CNTN3: variants seen among roughly 807,000 people sequenced by gnomAD.
The protein encoded by CNTN3 is contactin 3.
In CNTN3, 60 loss-of-function variants were observed where a neutral mutation model predicts 119.1. The ratio of observed to expected loss-of-function variants is 0.50; its 90% CI spans 0.41 to 0.62. The LOEUF is 0.62. CNTN3 is among the 20% of genes least tolerant of loss of function. CNTN3 has a pLI of 0.00. For missense variants in CNTN3, 1,101 were observed against 1,242.4 expected (o/e 0.89, Z 1.71); for synonymous variants, 450 against 438.7 (o/e 1.03, Z -0.32).
chr3:74,467,253 A>C (rs1263064249), intron 4 of CNTN3, among the ~76,000 whole-genome samples: 2 of 152,158 alleles, frequency 1.3e-5, no homozygotes, highest in African/African-American at 2.4e-5. Flanking sequence ...ATGACTAAAA[A>C]ATAAGAGTTA....
intron 5 of CNTN3, among the ~76,000 whole-genome samples, chr3:74,372,579 C>A (rs1276484860): frequency 6.6e-6 from 1 of 150,886 alleles, no homozygotes; most frequent in Non-Finnish European, 1.5e-5. Context: ...TAGTGCTTTC[C>A]CAATAGAGTT....
intron 1 of CNTN3, among the ~76,000 whole-genome samples, chr3:74,592,963 G>A (rs899162379): frequency 2.0e-5 from 3 of 151,812 alleles, no homozygotes; most frequent in Non-Finnish European, 2.9e-5. Flanking sequence ...GTATATTCCA[G>A]GCACAACTAT....
At chr3:74,502,905 G>A (rs1160248043) in intron 2 of CNTN3, among the ~76,000 whole-genome samples, 2 of 151,876 alleles carry the variant, frequency 1.3e-5, no homozygotes, top group African/African-American at 2.4e-5. Flanking sequence ...TATTTGTATC[G>A]AATTCATTGC....
intron 17 of CNTN3, among the ~76,000 whole-genome samples, chr3:74,298,949 G>GT (rs1702399157): frequency 6.6e-6 from 1 of 151,402 alleles, no homozygotes; most frequent in Non-Finnish European, 1.5e-5. Context: ...TTACATCCCT[G>GT]TAACTCTAGC....
chr3:74,536,938 AG>A lies in CNTN3; in HGVS notation c.-80-15747del, dbSNP rs543710155. Among the ~76,000 whole-genome samples, 574 of 152,064 alleles carry A rather than the reference AG, an allele frequency of 3.8e-3. 6 individuals carry two copies. The highest frequency in any genetic ancestry group is 0.013 in the African/African-American group (558 of 41,486). On this transcript the variant is annotated intron_variant, in intron 1 of 22. Transcript: ENST00000263665. ...CCAGGTGCCTACCCACTCACTAAAGAGGGACGGCTACTTCTCCGTTTTAGAC... is the reference window on the plus strand; with the variant it reads ...CCAGGTGCCTACCCACTCACTAAAGAGGACGGCTACTTCTCCGTTTTAGAC...
At chr3:74,280,004 A>T (rs955146122) in intron 20 of CNTN3, among the ~76,000 whole-genome samples, 4 of 152,074 alleles carry the variant, frequency 2.6e-5, no homozygotes, top group African/African-American at 9.7e-5. Context: ...TATATAACTT[A>T]AAGAGTTTAA....
rs1453219600 is a variant in CNTN3, at chr3:74,583,969, A to C, written c.-81+30422T>G. On this transcript the variant is annotated intron_variant, in intron 1 of 22. Coordinates refer to ENST00000263665, the MANE Select transcript of CNTN3 (RefSeq NM_020872.3). ...TGAAATCTGCATGACTTTTGAACCA[A>C]GGAACTAATTCTCTCTGAGTCTCAG... Among the ~76,000 whole-genome samples, 3 of 152,166 alleles carry C rather than the reference A, an allele frequency of 2.0e-5. No homozygotes were observed. The East Asian group carries it at 5.8e-4, about 29-fold the overall frequency.
intron 16 of CNTN3, among the ~76,000 whole-genome samples, chr3:74,300,643 G>A (rs1299564866): frequency 6.6e-6 from 1 of 152,150 alleles, no homozygotes; most frequent in Non-Finnish European, 1.5e-5. Context: ...GCATTGTTCT[G>A]AGTGAAACAG....
intron 13 of CNTN3, among the ~76,000 whole-genome samples, chr3:74,304,365 C>T (rs1016468417): frequency 1.3e-5 from 2 of 152,158 alleles, no homozygotes; most frequent in East Asian, 3.9e-4. Context: ...TTAATGCTTG[C>T]TGACCTTTAG....
At chr3:74,285,046 G>C (rs1272050734) in intron 20 of CNTN3, among the ~76,000 whole-genome samples, 3 of 152,138 alleles carry the variant, frequency 2.0e-5, no homozygotes, top group Non-Finnish European at 1.5e-5. Flanking sequence ...TAAAAGAAAA[G>C]GGGATAGATT....
chr3:74,344,361 A>T (rs1369877847), intron 11 of CNTN3, among the ~76,000 whole-genome samples: 1 of 147,388 alleles, frequency 6.8e-6, no homozygotes, highest in Non-Finnish European at 1.5e-5. Context: ...AATATCCATC[A>T]ATATTTAAGT....
intron 11 of CNTN3, among the ~76,000 whole-genome samples, chr3:74,344,822 A>T (rs986174673): frequency 1.3e-5 from 2 of 151,954 alleles, no homozygotes; most frequent in East Asian, 1.9e-4. Context: ...AAAATCTGGG[A>T]AATCTCTCTG....
intron 11 of CNTN3, among the ~76,000 whole-genome samples, chr3:74,348,933 A>G (rs1186918451): frequency 6.6e-6 from 1 of 151,914 alleles, no homozygotes; most frequent in African/African-American, 2.4e-5. Flanking sequence ...AAAAAATATA[A>G]AAATTACCAA....
intron 4 of CNTN3, among the ~76,000 whole-genome samples, chr3:74,434,773 T>C (rs952874858): frequency 6.6e-6 from 1 of 152,206 alleles, no homozygotes; most frequent in Admixed American, 6.5e-5. Flanking sequence ...AAATGTTAAA[T>C]AAATGATAGG....
At chr3:74,359,369 A>C (rs1704027289) in intron 11 of CNTN3, among the ~76,000 whole-genome samples, 1 of 152,202 alleles carries the variant, frequency 6.6e-6, no homozygotes, top group Non-Finnish European at 1.5e-5. Flanking sequence ...GTAAGGAAGG[A>C]TATATTATCT....
chr3:74,612,194 T>C (rs1403108004), intron 1 of CNTN3, among the ~76,000 whole-genome samples: 1 of 152,136 alleles, frequency 6.6e-6, no homozygotes, highest in Non-Finnish European at 1.5e-5. Flanking sequence ...AGTTAGGAAC[T>C]TGTAAAAGAG....
intron 18 of CNTN3, 85 bp from the exon 19 acceptor site, chr3:74,295,321 C>T: frequency 1.4e-6 from 1 of 709,716 alleles, no homozygotes; most frequent in Non-Finnish European, 2.4e-6. Context: ...TTTATAAAAG[C>T]ATTTTAACGT....
At position 74,596,776 on chromosome 3, in the gene CNTN3, T is replaced by C. The variant is rs573980460; in HGVS notation, c.-81+17615A>G. ...CCTCTCCCCTACACAAATCAGTGAA[T>C]ATAAAATAAAAATGTGCAATGGACT... On this transcript the variant is annotated intron_variant, in intron 1 of 22. Transcript: ENST00000263665. 1.3e-4 allele frequency among the ~76,000 whole-genome samples: 20 copies of C among 152,178 alleles called. 1 individual carries two copies. In the South Asian group the frequency reaches 4.1e-3, roughly 32 times the overall value.
At chr3:74,474,638 C>A (rs1456631769) in intron 4 of CNTN3, among the ~76,000 whole-genome samples, 1 of 152,088 alleles carries the variant, frequency 6.6e-6, no homozygotes, top group Non-Finnish European at 1.5e-5. Flanking sequence ...GGACTACCAG[C>A]ATAAGCCACC....
Sources: allele counts gnomAD v4.1 joint callset (sites outside exome capture counted in the v4.1 genomes callset), GRCh38; gene constraint gnomAD v4.1.1; transcripts MANE v1.5; gene names NCBI Gene and HGNC (gene_info 2026-07-23, HGNC 2026-07-21).